The following DIP2B variants were observed in gnomAD, a reference collection of about 807,000 sequenced individuals.
DIP2B encodes DIP2 acetate--CoA ligase B (putative).
Under a neutral mutation model 198.0 loss-of-function variants are expected in DIP2B, and 76 were observed. The ratio of observed to expected loss-of-function variants is 0.38; its 90% CI spans 0.32 to 0.46. The LOEUF is 0.46. Ranked by LOEUF, DIP2B falls within the 20% of genes least tolerant of loss-of-function variation. The pLI is 0.99. For synonymous variants in DIP2B, 701 were observed against 739.1 expected (o/e 0.95, Z 0.84); for missense variants, 1,559 against 1,978.4 (o/e 0.79, Z 4.02).
chr12:50,661,970 G>A (rs1171491271), intron 4 of DIP2B, among the ~76,000 whole-genome samples: 1 of 152,192 alleles, frequency 6.6e-6, no homozygotes, highest in African/African-American at 2.4e-5. Context: ...AAAAGTCACT[G>A]CCTGAGGGGA....
intron 30 of DIP2B, among the ~76,000 whole-genome samples, chr12:50,730,877 C>T (rs1940030913): frequency 6.6e-6 from 1 of 152,178 alleles, no homozygotes; most frequent in Admixed American, 6.5e-5. Flanking sequence ...ACTCCCCTAC[C>T]CTGGCTTATC....
At chr12:50,565,894 T>G (rs1169056014) in intron 1 of DIP2B, among the ~76,000 whole-genome samples, 1 of 152,222 alleles carries the variant, frequency 6.6e-6, no homozygotes, top group Non-Finnish European at 1.5e-5. Context: ...TTCACAGTTT[T>G]TGTGTGTGTG....
chr12:50,511,126 T>TA (rs780477609), intron 1 of DIP2B, among the ~76,000 whole-genome samples: 11 of 150,986 alleles, frequency 7.3e-5, no homozygotes, highest in Non-Finnish European at 1.3e-4. Context: ...TTTGTGTCTT[T>TA]AGTAGAGATA....
chr12:50,736,632 G>A (rs71466984), intron 34 of DIP2B, among the ~76,000 whole-genome samples: 1 of 152,150 alleles, frequency 6.6e-6, no homozygotes, highest in South Asian at 2.1e-4. Flanking sequence ...GAGTGACTTA[G>A]GCTGTCCCTG....
intron 12 of DIP2B, among the ~76,000 whole-genome samples, chr12:50,689,949 C>T (rs1393256849): frequency 6.6e-6 from 1 of 152,108 alleles, no homozygotes; most frequent in Non-Finnish European, 1.5e-5. Context: ...GCAAAATGTC[C>T]TTTTGATATA....
intron 1 of DIP2B, among the ~76,000 whole-genome samples, chr12:50,523,370 G>A (rs1171894017): frequency 6.6e-6 from 1 of 152,082 alleles, no homozygotes; most frequent in Non-Finnish European, 1.5e-5. Context: ...TACATGTTCA[G>A]TACAGATGGC....
intron 2 of DIP2B, among the ~76,000 whole-genome samples, chr12:50,626,376 G>A (rs1248455456): frequency 2.6e-5 from 4 of 152,194 alleles, no homozygotes; most frequent in African/African-American, 9.7e-5. Flanking sequence ...TGCACAAACC[G>A]TGATGAAGAA....
intron 1 of DIP2B, among the ~76,000 whole-genome samples, chr12:50,547,561 G>T (rs149427589): frequency 7.9e-5 from 12 of 152,242 alleles, no homozygotes; most frequent in Admixed American, 6.5e-4. Flanking sequence ...CTATTCTTCC[G>T]TTAAAAAAGT....
intron 22 of DIP2B, among the ~76,000 whole-genome samples, chr12:50,710,960 A>G (rs866124292): frequency 2.6e-5 from 4 of 152,172 alleles, no homozygotes; most frequent in African/African-American, 9.7e-5. Flanking sequence ...CAGAAACCTT[A>G]TTTTGTTCAG....
At chr12:50,578,712 G>T (rs941484343) in intron 1 of DIP2B, among the ~76,000 whole-genome samples, 7 of 151,462 alleles carry the variant, frequency 4.6e-5, no homozygotes, top group Non-Finnish European at 8.8e-5. Flanking sequence ...GTTTCACCGT[G>T]TTAGCCAGGA....
chr12:50,511,946 CAAA>C (rs1294473966), intron 1 of DIP2B, among the ~76,000 whole-genome samples: 5 of 26,538 alleles, frequency 1.9e-4, no homozygotes, highest in African/African-American at 3.5e-4. Flanking sequence ...GACTCCGTCT[CAAA>C]AAAAAAAAAA....
chr12:50,725,029 CTTG>C (rs1939906258), intron 28 of DIP2B, 143 bp downstream of exon 28: 3 of 766,896 alleles, frequency 3.9e-6, no homozygotes, highest in Non-Finnish European at 6.6e-6. Flanking sequence ...GATCAGTAAG[CTTG>C]TGCAGGACTA....
rs150223500 is a variant in DIP2B, at chr12:50,563,696, A to G, written c.100+58456A>G. On this transcript the variant is annotated intron_variant, in intron 1 of 37. Coordinates refer to ENST00000301180, the MANE Select transcript of DIP2B (RefSeq NM_173602.3). ...CTTTTTATGGGTATGGGGTGTCACTATATTGCCCAGGCTGCTCTCAAACTC... is the reference window on the plus strand; with the variant it reads ...CTTTTTATGGGTATGGGGTGTCACTGTATTGCCCAGGCTGCTCTCAAACTC... Among the ~76,000 whole-genome samples, 40 of 151,190 alleles carry G rather than the reference A, an allele frequency of 2.6e-4. No individual in the cohort carries two copies. In the East Asian group the frequency reaches 6.9e-3, roughly 26 times the overall value.
At chr12:50,628,637 ACTGT>A (rs1160885308) in intron 2 of DIP2B, among the ~76,000 whole-genome samples, 10 of 152,106 alleles carry the variant, frequency 6.6e-5, no homozygotes, top group African/African-American at 2.4e-5. Flanking sequence ...CATGCTTATT[ACTGT>A]CTATTTAAAA....
At position 50,699,210 on chromosome 12, in the gene DIP2B, A is replaced by G. The variant is rs1278054022; in HGVS notation, c.2325+8A>G. On this transcript the variant is annotated splice_region_variant and intron_variant, in intron 19 of 37. Coordinates refer to ENST00000301180, the MANE Select transcript of DIP2B (RefSeq NM_173602.3). ...ACAAAAAATACATTTGAGGTACATG[A>G]TATTAACATTTCACAGGGAAAATGT... 2.5e-6 allele frequency: 4 copies of G among 1,613,632 alleles called. No homozygotes were observed. The highest frequency in any genetic ancestry group is 1.7e-6 in the Non-Finnish European group (2 of 1,179,922).
rs1363889285 is a variant in DIP2B at position 50,744,524 on chromosome 12, G to A, written c.4479-63G>A. On this transcript the variant is annotated intron_variant, in intron 37 of 37. Transcript: ENST00000301180. ...GGGGAAATGGGCTAAGTCTGGGACA[G>A]ATGCTATAAAAGATAACTGAAAAAT... 12 of 1,596,156 alleles carry A rather than the reference G, an allele frequency of 7.5e-6. No individual in the cohort carries two copies. The East Asian group carries it at 2.7e-4, about 36-fold the overall frequency.
At chr12:50,627,206 T>G (rs562924131) in intron 2 of DIP2B, among the ~76,000 whole-genome samples, 1 of 152,326 alleles carries the variant, frequency 6.6e-6, no homozygotes, top group South Asian at 2.1e-4. Flanking sequence ...GAGATTTACT[T>G]GAGTCACTTG....
At position 50,723,226 on chromosome 12, in the gene DIP2B, A is replaced by G. The variant is rs201614841; in HGVS notation, c.3191A>G (p.Tyr1064Cys). 2.9e-5 allele frequency: 47 copies of G among 1,613,950 alleles called. No individual in the cohort carries two copies. The highest frequency in any genetic ancestry group is 6.8e-6 in the Non-Finnish European group (8 of 1,180,004). ...GGCATTGAGTTAATCGCCGCCTTCT[A>G]TGGCTGCCTGTATGCGGGCTGTATA... ...PPGIELIAAF[Y>C]GCLYAGCIPV... Residue 1064 changes from tyrosine (Y) to cysteine (C), a missense_variant, in exon 27 of 38, where the codon TAT becomes TGT. Tyr to Cys is a radical substitution (Grantham distance 194). Coordinates refer to ENST00000301180, the MANE Select transcript of DIP2B (RefSeq NM_173602.3).
chr12:50,638,779 A>T (rs1215528078), intron 2 of DIP2B, among the ~76,000 whole-genome samples: 5 of 150,772 alleles, frequency 3.3e-5, no homozygotes, highest in Non-Finnish European at 7.4e-5. Context: ...ATGCCCCCAT[A>T]CTCCTTCCCA....
Sources: gnomAD v4.1 joint callset for allele counts (sites outside exome capture counted in the v4.1 genomes callset) on GRCh38, gnomAD v4.1.1 for gene constraint, MANE v1.5 for transcripts, NCBI Gene and HGNC (gene_info 2026-07-23, HGNC 2026-07-21) for gene names.